COL21A1: variants seen among roughly 807,000 people sequenced by gnomAD.
COL21A1 encodes the protein collagen alpha-1(XXI) chain.
In COL21A1, 149 loss-of-function variants were observed where a neutral mutation model predicts 137.9. The observed-to-expected ratio is 1.08, with a 90% CI of 0.95 to 1.24. The LOEUF (loss-of-function observed/expected upper bound fraction) is 1.24. COL21A1 is among the 50% of genes most tolerant of loss of function. The pLI is 0.00. For missense variants in COL21A1, 1,167 were observed against 1,158.4 expected, an observed-to-expected ratio of 1.01 and a Z score of -0.11; for synonymous variants, 456 against 391.5, an observed-to-expected ratio of 1.16 and a Z score of -1.95.
At chr6:56,200,378 A>G (rs957115037) in intron 1 of COL21A1, among the ~76,000 whole-genome samples, 3 of 152,040 alleles carry the variant, frequency 2.0e-5, no homozygotes, top group Non-Finnish European at 4.4e-5. Context: ...ATATGTATAC[A>G]TGTGCCATGT....
intron 1 of COL21A1, among the ~76,000 whole-genome samples, chr6:56,314,070 C>T (rs939740150): frequency 1.2e-4 from 18 of 152,138 alleles, no homozygotes; most frequent in African/African-American, 4.1e-4. Flanking sequence ...CTGTAACCTC[C>T]ACCTCCTGGG....
chr6:56,281,875 T>C (rs1350582450), intron 1 of COL21A1, among the ~76,000 whole-genome samples: 2 of 152,120 alleles, frequency 1.3e-5, no homozygotes, highest in African/African-American at 2.4e-5. Flanking sequence ...CAAGAAGAAG[T>C]TGTGTCATAA....
intron 5 of COL21A1, among the ~76,000 whole-genome samples, chr6:56,169,330 C>A (rs371213104): frequency 6.6e-6 from 1 of 151,880 alleles, no homozygotes; most frequent in East Asian, 1.9e-4. Flanking sequence ...TTCTGTATCC[C>A]CAGGACCTGG....
chr6:56,196,282 T>C (rs1051876081), intron 1 of COL21A1, among the ~76,000 whole-genome samples: 1 of 152,132 alleles, frequency 6.6e-6, no homozygotes, highest in African/African-American at 2.4e-5. Flanking sequence ...GGTTAAAAGC[T>C]GAAAGCTTTT....
chr6:56,124,231 A>G lies in COL21A1; in HGVS notation c.1704+8T>C. On this transcript the variant is annotated splice_region_variant and intron_variant, in intron 15 of 29. Coordinates refer to ENST00000244728, the MANE Select transcript of COL21A1 (RefSeq NM_030820.4). ...AAAATACTAAGAGCTTTTTTCTATCAAACTCACAGCAGGTCCAGGGAGGCC... is the reference window on the plus strand; with the variant it reads ...AAAATACTAAGAGCTTTTTTCTATCGAACTCACAGCAGGTCCAGGGAGGCC... The G allele has an allele frequency of 1.3e-6, 2 of 1,594,604 alleles. No homozygotes were observed. The highest frequency in any genetic ancestry group is 4.5e-5 in the East Asian group (2 of 44,318).
At chr6:56,280,696 A>C (rs915172313) in intron 1 of COL21A1, among the ~76,000 whole-genome samples, 46 of 152,188 alleles carry the variant, frequency 3.0e-4, no homozygotes, top group African/African-American at 1.1e-3. Context: ...ACAGATCAGG[A>C]AACTGAGCCT....
intron 16 of COL21A1, among the ~76,000 whole-genome samples, chr6:56,107,879 TA>T (rs966832549): frequency 6.6e-5 from 10 of 151,966 alleles, no homozygotes; most frequent in Non-Finnish European, 1.3e-4. Context: ...AGATAAAGTG[TA>T]AAAAGTATTT....
chr6:56,193,632 A>G (rs1778837072), intron 1 of COL21A1, among the ~76,000 whole-genome samples: 1 of 152,202 alleles, frequency 6.6e-6, no homozygotes, highest in African/African-American at 2.4e-5. Context: ...CAGATGTGTT[A>G]TATCTGTATA....
At chr6:56,167,165 A>C (rs1461119278) in intron 6 of COL21A1, among the ~76,000 whole-genome samples, 182 bp from the exon 7 acceptor site, 1 of 152,240 alleles carries the variant, frequency 6.6e-6, no homozygotes, top group African/African-American at 2.4e-5. Flanking sequence ...ATGTGATGCA[A>C]CATAACTACT....
intron 1 of COL21A1, among the ~76,000 whole-genome samples, chr6:56,200,948 C>T (rs2152297840): frequency 6.6e-6 from 1 of 152,252 alleles, no homozygotes; most frequent in East Asian, 1.9e-4. Context: ...TATTTCTCCA[C>T]ATCCTCTCCA....
intron 16 of COL21A1, among the ~76,000 whole-genome samples, chr6:56,120,704 G>A (rs1203586095): frequency 6.6e-6 from 1 of 151,556 alleles, no homozygotes; most frequent in African/African-American, 2.4e-5. Flanking sequence ...TGAGGCAGGA[G>A]AATTGCTTGA....
rs371058894 is a variant in COL21A1, at chr6:56,290,498, G to GTTTTTTTTTTTTTTTTT, written c.-39+103472_-39+103473insAAAAAAAAAAAAAAAAA. Among the ~76,000 whole-genome samples the GTTTTTTTTTTTTTTTTT allele has an allele frequency of 2.3e-5, 3 of 132,960 alleles. 1 individual carries two copies. Among genetic ancestry groups the GTTTTTTTTTTTTTTTTT allele is most frequent in the Non-Finnish European group, 3.1e-5 (2 of 64,416 alleles). 87.2% of individuals were successfully genotyped at this position (132,960 alleles called of 152,430 possible). ...AGATGCATATTAGAATCACTTAGGA[G>GTTTTTTTTTTTTTTTTT]ATTTTTTTTTTTTTTTTTTGAGACG... On this transcript the variant is annotated intron_variant, in intron 1 of 28. Coordinates refer to the COL21A1 transcript ENST00000370819.
At chr6:56,223,322 G>A (rs982824834) in intron 1 of COL21A1, among the ~76,000 whole-genome samples, 2 of 151,808 alleles carry the variant, frequency 1.3e-5, no homozygotes, top group African/African-American at 2.4e-5. Flanking sequence ...TAATATGAAG[G>A]GAAAGACTGT....
chr6:56,293,498 A>G (rs1274142628), intron 1 of COL21A1, among the ~76,000 whole-genome samples: 1 of 152,170 alleles, frequency 6.6e-6, no homozygotes, highest in Non-Finnish European at 1.5e-5. Context: ...CACTATAATC[A>G]TATTTACTAT....
intron 1 of COL21A1, among the ~76,000 whole-genome samples, chr6:56,296,589 T>C (rs951469971): frequency 6.6e-6 from 1 of 152,042 alleles, no homozygotes; most frequent in Admixed American, 6.6e-5. Context: ...TCATTCACTC[T>C]GGGTTGTTAA....
chr6:56,136,531 G>A (rs1010251529), intron 12 of COL21A1, among the ~76,000 whole-genome samples: 3 of 152,126 alleles, frequency 2.0e-5, no homozygotes, highest in African/African-American at 4.8e-5. Flanking sequence ...CCCACAGGCT[G>A]CTTTCCAAAC....
At chr6:56,340,906 G>C (rs1041898804) in intron 1 of COL21A1, among the ~76,000 whole-genome samples, 2 of 152,192 alleles carry the variant, frequency 1.3e-5, no homozygotes, top group Non-Finnish European at 2.9e-5. Context: ...CAAGTGGAAA[G>C]AAATCAGACC....
chr6:56,309,624 CAT>C (rs1282264418), intron 1 of COL21A1, among the ~76,000 whole-genome samples: 8 of 152,224 alleles, frequency 5.3e-5, no homozygotes, highest in African/African-American at 1.9e-4. Context: ...AGGTAGCTCT[CAT>C]AGTTTAGGCA....
intron 1 of COL21A1, among the ~76,000 whole-genome samples, chr6:56,197,608 A>G (rs1010751842): frequency 4.1e-4 from 63 of 152,252 alleles, no homozygotes; most frequent in African/African-American, 1.4e-3. Flanking sequence ...AAGATGTTCA[A>G]CATCACTACA....
Sources: gnomAD v4.1 joint callset for allele counts (sites outside exome capture counted in the v4.1 genomes callset) on GRCh38, gnomAD v4.1.1 for gene constraint, MANE v1.5 for transcripts, NCBI Gene and HGNC (gene_info 2026-07-23, HGNC 2026-07-21) for gene names.